Variants in THUMPD2 observed in about 807,000 individuals in gnomAD.
The protein encoded by THUMPD2 is U6 snRNA (guanine-N(2))-methyltransferase THUMPD2.
A neutral mutation model predicts 49.4 loss-of-function variants in THUMPD2; 56 were observed. That is an observed-to-expected ratio of 1.13 (90% CI 0.91 to 1.41). THUMPD2 has a LOEUF of 1.41. THUMPD2 is among the 40% of genes most tolerant of loss of function. The probability of loss-of-function intolerance (pLI) is 0.00; values close to 1 mark genes in which losing one functional copy is unlikely to be tolerated. For synonymous variants in THUMPD2, 237 were observed against 205.2 expected, an observed-to-expected ratio of 1.15 and a Z score of -1.32; for missense variants, 709 against 594.5, an observed-to-expected ratio of 1.19 and a Z score of -2.00.
At chr2:39,746,663 A>C (rs368195724) in intron 8 of THUMPD2, among the ~76,000 whole-genome samples, 4 of 152,162 alleles carry the variant, frequency 2.6e-5, no homozygotes, top group African/African-American at 9.7e-5. Context: ...TTAAAATACC[A>C]GTTGTTTTGA....
At chr2:39,744,069 A>G (rs1674265676) in intron 9 of THUMPD2, among the ~76,000 whole-genome samples, 1 of 150,380 alleles carries the variant, frequency 6.6e-6, no homozygotes, top group African/African-American at 2.4e-5. Flanking sequence ...TGAGGGATGG[A>G]AGCAAATATG....
chr2:39,765,397 A>C (rs924852535), intron 5 of THUMPD2, among the ~76,000 whole-genome samples: 2 of 152,012 alleles, frequency 1.3e-5, no homozygotes, highest in Non-Finnish European at 2.9e-5. Context: ...TGACCTCGTG[A>C]TCTGCCTGCC....
chr2:39,752,585 T>TATTA (rs1675553441), intron 8 of THUMPD2, among the ~76,000 whole-genome samples: 1 of 152,182 alleles, frequency 6.6e-6, no homozygotes, highest in Admixed American at 6.5e-5. Context: ...TTGGCCCCTG[T>TATTA]ATTAGCAAGA....
chr2:39,745,834 C>G (rs1400916873), intron 8 of THUMPD2, among the ~76,000 whole-genome samples: 1 of 152,128 alleles, frequency 6.6e-6, no homozygotes, highest in Non-Finnish European at 1.5e-5. Flanking sequence ...TAAAAAAAAT[C>G]TCCAGAACTA....
chr2:39,761,910 T>C (rs1429842902), intron 5 of THUMPD2, among the ~76,000 whole-genome samples: 2 of 152,114 alleles, frequency 1.3e-5, no homozygotes, highest in African/African-American at 4.8e-5. Flanking sequence ...AAAGATGAAA[T>C]GAAGCATGAC....
At chr2:39,751,652 A>AAAT (rs1323652778) in intron 8 of THUMPD2, among the ~76,000 whole-genome samples, 4 of 152,000 alleles carry the variant, frequency 2.6e-5, no homozygotes, top group African/African-American at 9.7e-5. Flanking sequence ...ACTTAGGAAT[A>AAAT]AATACATATG....
At chr2:39,762,418 C>T (rs1181141862) in intron 5 of THUMPD2, among the ~76,000 whole-genome samples, 1 of 152,014 alleles carries the variant, frequency 6.6e-6, no homozygotes, top group African/African-American at 2.4e-5. Flanking sequence ...GTATTTATTG[C>T]AAGCCTCTTA....
chr2:39,773,881 A>C (rs1217144701), intron 1 of THUMPD2, among the ~76,000 whole-genome samples: 4 of 152,218 alleles, frequency 2.6e-5, no homozygotes, highest in African/African-American at 9.6e-5. Flanking sequence ...CTTGTAGAAT[A>C]AGCATATTAT....
chr2:39,755,621 C>T (rs770555971), intron 7 of THUMPD2, among the ~76,000 whole-genome samples: 4 of 152,106 alleles, frequency 2.6e-5, no homozygotes, highest in Admixed American at 6.6e-5. Context: ...TTTACAATGA[C>T]AAGTGTCTAA....
chr2:39,758,318 G>T (rs916772595), intron 6 of THUMPD2, among the ~76,000 whole-genome samples: 3 of 152,062 alleles, frequency 2.0e-5, no homozygotes, highest in Admixed American at 6.6e-5. Context: ...ATGGGTTCTG[G>T]GTACCTGGTA....
chr2:39,740,151 C>G (rs548950345), intron 9 of THUMPD2, among the ~76,000 whole-genome samples: 1 of 152,188 alleles, frequency 6.6e-6, no homozygotes, highest in Non-Finnish European at 1.5e-5. Context: ...AACTGTGATA[C>G]TGTGACTGTG....
At chr2:39,743,651 C>T (rs1674199822) in intron 9 of THUMPD2, among the ~76,000 whole-genome samples, 1 of 152,118 alleles carries the variant, frequency 6.6e-6, no homozygotes, top group South Asian at 2.1e-4. Flanking sequence ...CCTGGCACCT[C>T]CCCCTTCTCC....
At chr2:39,774,049 C>G (rs890963037) in intron 1 of THUMPD2, among the ~76,000 whole-genome samples, 10 of 152,218 alleles carry the variant, frequency 6.6e-5, no homozygotes, top group African/African-American at 2.2e-4. Context: ...TCTGACATCC[C>G]AGAGTGTGCC....
chr2:39,753,546 A>G (rs1442049850), intron 8 of THUMPD2, among the ~76,000 whole-genome samples: 1 of 152,156 alleles, frequency 6.6e-6, no homozygotes, highest in Non-Finnish European at 1.5e-5. Flanking sequence ...TTGTATACTG[A>G]GGTACTAACT....
intron 8 of THUMPD2, among the ~76,000 whole-genome samples, chr2:39,751,118 G>T (rs1278043559): frequency 6.6e-6 from 1 of 152,206 alleles, no homozygotes; most frequent in Non-Finnish European, 1.5e-5. Flanking sequence ...ATTTCCCTCT[G>T]ATTTCCCAAA....
chr2:39,764,245 C>T (rs1252185087), intron 5 of THUMPD2, among the ~76,000 whole-genome samples: 3 of 152,170 alleles, frequency 2.0e-5, no homozygotes, highest in African/African-American at 7.2e-5. Flanking sequence ...CTTACTGTAT[C>T]CTAGAAACAG....
At chr2:39,751,680 G>T (rs535167609) in intron 8 of THUMPD2, among the ~76,000 whole-genome samples, 538 of 111,952 alleles carry the variant, frequency 4.8e-3, no homozygotes, top group Non-Finnish European at 7.3e-3. Flanking sequence ...CATATTAAAA[G>T]ATTTTTTTTT....
chr2:39,761,502 T>C, intron 5 of THUMPD2, 84 bp from the exon 6 acceptor site: 3 of 1,234,674 alleles, frequency 2.4e-6, no homozygotes, highest in Admixed American at 1.7e-5. Context: ...AATCTGAGAA[T>C]CATTTAAACA....
chr2:39,755,034 C>CT (rs67098813), intron 8 of THUMPD2, among the ~76,000 whole-genome samples: 91,914 of 151,300 alleles, frequency 0.61, 28,086 homozygotes, highest in East Asian at 0.76. Context: ...AGATGCAACA[C>CT]TTTTTTTTTC....
Sources: gnomAD v4.1 joint callset for allele counts (sites outside exome capture counted in the v4.1 genomes callset) on GRCh38, gnomAD v4.1.1 for gene constraint, MANE v1.5 for transcripts, NCBI Gene and HGNC (gene_info 2026-07-23, HGNC 2026-07-21) for gene names.